The following WDFY2 variants were observed in gnomAD, a reference collection of about 807,000 sequenced individuals.
WDFY2 encodes WD repeat and FYVE domain-containing protein 2.
A neutral mutation model predicts 56.4 loss-of-function variants in WDFY2; 36 were observed. That is an observed-to-expected ratio of 0.64 (90% CI 0.49 to 0.84). The LOEUF is 0.84. Among genes scored for constraint, WDFY2 ranks in the 40% least tolerant of loss-of-function variants. WDFY2 has a pLI of 0.00. For missense variants in WDFY2, 444 were observed against 512.2 expected (o/e 0.87, Z 1.29); for synonymous variants, 176 against 183.7 (o/e 0.96, Z 0.34).
chr13:51,658,283 C>T (rs1215104427), intron 1 of WDFY2, among the ~76,000 whole-genome samples: 5 of 152,106 alleles, frequency 3.3e-5, no homozygotes, highest in Non-Finnish European at 7.3e-5. Context: ...TGCCTGCGTC[C>T]GATAAGGATA....
At chr13:51,597,440 T>C (rs1011455436) in intron 1 of WDFY2, among the ~76,000 whole-genome samples, 1 of 152,220 alleles carries the variant, frequency 6.6e-6, no homozygotes, top group Admixed American at 6.5e-5. Flanking sequence ...ATGAACTGTT[T>C]TCACATTGCA....
At chr13:51,647,765 TA>T (rs528621325) in intron 1 of WDFY2, among the ~76,000 whole-genome samples, 2,198 of 102,692 alleles carry the variant, frequency 0.021, 14 homozygotes, top group African/African-American at 0.027. Context: ...GTCTCTCTCT[TA>T]AAAAAAAAAA....
chr13:51,698,620 A>G (rs1379785904), intron 3 of WDFY2, among the ~76,000 whole-genome samples: 1 of 152,178 alleles, frequency 6.6e-6, no homozygotes, highest in Non-Finnish European at 1.5e-5. Flanking sequence ...ACCAAGAGCT[A>G]TTTTCATTAT....
In WDFY2 at chr13:51,756,435, G is replaced by C; in HGVS notation, c.1037G>C (p.Ser346Thr). ...GFEFEVRVCD[S>T]CHEAITDEER... ...GAGTTTGAAGTGAGGGTCTGTGACA[G>C]CTGCCACGAGGCCATCACAGATGAA... Residue 346 changes from serine (S) to threonine (T), a missense_variant, in exon 10 of 12, where the codon AGC becomes ACC. Transcript: ENST00000298125. 1 of 1,614,090 alleles carries C rather than the reference G, an allele frequency of 6.2e-7. No individual in the cohort carries two copies.
intron 1 of WDFY2, among the ~76,000 whole-genome samples, chr13:51,629,725 A>G (rs1042187494): frequency 3.9e-5 from 6 of 151,926 alleles, no homozygotes; most frequent in African/African-American, 1.2e-4. Flanking sequence ...AGGAGAAAGT[A>G]GCTATGTCAC....
In WDFY2 at chr13:51,660,452, G is replaced by A. The variant is rs1955590223; in HGVS notation, c.138-144G>A. On this transcript the variant is annotated intron_variant, in intron 1 of 11. Coordinates refer to ENST00000298125, the MANE Select transcript of WDFY2 (RefSeq NM_052950.4). ...TGACCTCAAGTGATACGCCTACCTC[G>A]GCCTCTCAAAGTGCTGGGACAGGCT... 11 of 539,524 alleles carry A rather than the reference G, an allele frequency of 2.0e-5. No homozygotes were observed. The South Asian group carries it at 2.7e-4, about 13-fold the overall frequency. The allele number at this position is 539,524 out of a possible 1,614,324, so 33.4% of individuals were successfully genotyped here. A position where few individuals can be genotyped will look rare whatever the true frequency, so the allele number is the denominator to read the frequency against.
chr13:51,596,441 T>C (rs764941990), intron 1 of WDFY2, among the ~76,000 whole-genome samples: 3 of 152,184 alleles, frequency 2.0e-5, no homozygotes, highest in Non-Finnish European at 2.9e-5. Context: ...TTGAGTTCGA[T>C]GTGGATAGGA....
At position 51,762,568 on chromosome 13, in the gene WDFY2, T is replaced by C. The variant is rs780130228; in HGVS notation, c.*2799T>C. 13 of 152,242 alleles carry C rather than the reference T, an allele frequency of 8.5e-5. No individual in the cohort carries two copies. Among genetic ancestry groups the C allele is most frequent in the Non-Finnish European group, 1.5e-5 (1 of 68,046 alleles). The allele number at this position is 152,242 out of a possible 1,614,324, so 9.4% of individuals were successfully genotyped here. On this transcript the variant is annotated 3_prime_UTR_variant, in exon 12 of 12. Coordinates refer to ENST00000298125, the MANE Select transcript of WDFY2 (RefSeq NM_052950.4). Reference sequence around the variant, plus strand: ...CGTTTTGCATTAAGTGTCTCCCCCATTTTTGTAATTTGTAGAGAAATATGT... The same window carrying C: ...CGTTTTGCATTAAGTGTCTCCCCCACTTTTGTAATTTGTAGAGAAATATGT...
chr13:51,745,973 C>CTTTTTTTTTTTTTTTTTTTTTTT (rs59572351), intron 7 of WDFY2, among the ~76,000 whole-genome samples: 2 of 100,760 alleles, frequency 2.0e-5, no homozygotes, highest in Non-Finnish European at 3.8e-5. Flanking sequence ...TTTTCTTTTT[C>CTTTTTTTTTTTTTTTTTTTTTTT]TTTTTTTTTT....
rs1953703683 is a variant in WDFY2 at position 51,764,992 on chromosome 13, C to G, written c.*5223C>G. 6.6e-6 allele frequency: 1 copy of G among 152,226 alleles called. No homozygotes were observed. The highest frequency in any genetic ancestry group is 1.5e-5 in the Non-Finnish European group (1 of 68,082). The allele number at this position is 152,226 out of a possible 1,614,324, so 9.4% of individuals were successfully genotyped here. A position where few individuals can be genotyped will look rare whatever the true frequency, so the allele number is the denominator to read the frequency against. On this transcript the variant is annotated 3_prime_UTR_variant, in exon 12 of 12. Coordinates refer to ENST00000298125, the MANE Select transcript of WDFY2 (RefSeq NM_052950.4). ...GGGTGCAGACACAGGCAGCTGCTGC[C>G]CTCCACTTCCTGCTCTTGCAAGTCA...
At chr13:51,666,724 A>T (rs372994721) in intron 2 of WDFY2, among the ~76,000 whole-genome samples, 49 of 148,720 alleles carry the variant, frequency 3.3e-4, no homozygotes, top group Middle Eastern at 3.5e-3. Flanking sequence ...ACACACACAC[A>T]CTCTCTCTCT....
rs1955585496 is a variant in WDFY2 at position 51,660,250 on chromosome 13, G to A, written c.138-346G>A. 2.0e-5 allele frequency among the ~76,000 whole-genome samples: 3 copies of A among 151,896 alleles called. No homozygotes were observed. In the South Asian group the frequency reaches 6.2e-4, roughly 32 times the overall value. ...TTCTCTCTGTTACCCAGGCTGGAGTGCAGTGGCATGATCTTGACTCACTGC... is the reference window on the plus strand; with the variant it reads ...TTCTCTCTGTTACCCAGGCTGGAGTACAGTGGCATGATCTTGACTCACTGC... On this transcript the variant is annotated intron_variant, in intron 1 of 11. Transcript: ENST00000298125.
At chr13:51,662,296 G>A (rs1332778154) in intron 2 of WDFY2, among the ~76,000 whole-genome samples, 3 of 152,098 alleles carry the variant, frequency 2.0e-5, no homozygotes, top group Non-Finnish European at 4.4e-5. Context: ...GATATAACCA[G>A]TATTTTTTCT....
intron 1 of WDFY2, among the ~76,000 whole-genome samples, chr13:51,623,868 C>G (rs1954789962): frequency 6.6e-6 from 1 of 151,144 alleles, no homozygotes; most frequent in East Asian, 1.9e-4. Context: ...GGAATAGGCA[C>G]TTTTTTTAAC....
intron 1 of WDFY2, among the ~76,000 whole-genome samples, chr13:51,650,991 A>AC (rs1359163047): frequency 6.6e-6 from 1 of 152,210 alleles, no homozygotes; most frequent in Non-Finnish European, 1.5e-5. Flanking sequence ...AAGGAATGGC[A>AC]CCAGCTCCTC....
At chr13:51,759,184 A>G (rs1953498699) in intron 11 of WDFY2, among the ~76,000 whole-genome samples, 1 of 152,208 alleles carries the variant, frequency 6.6e-6, no homozygotes, top group Admixed American at 6.5e-5. Context: ...CTGTCTCAAA[A>G]TAATTAATTA....
chr13:51,637,868 T>G (rs1955082182), intron 1 of WDFY2, among the ~76,000 whole-genome samples: 1 of 152,246 alleles, frequency 6.6e-6, no homozygotes, highest in Non-Finnish European at 1.5e-5. Context: ...AGGAATGCTT[T>G]TGTTCTCAAG....
rs554861779 is a variant in WDFY2 at position 51,695,080 on chromosome 13, C to T, written c.280-8516C>T. 7.6e-4 allele frequency among the ~76,000 whole-genome samples: 115 copies of T among 152,280 alleles called. 5 individuals are homozygous for T. The South Asian group carries it at 0.023, about 31-fold the overall frequency. ...ATATTGGTTATTCTAGTTATACATT[C>T]GTCTAAATTTTTTTCAAAGTTTTCA... is the stretch of plus-strand genomic sequence containing the variant. On this transcript the variant is annotated intron_variant, in intron 3 of 11. Coordinates refer to ENST00000298125, the MANE Select transcript of WDFY2 (RefSeq NM_052950.4).
chr13:51,743,216 G>A lies in WDFY2; in HGVS notation c.725+4041G>A, dbSNP rs116236554. Among the ~76,000 whole-genome samples, 608 of 152,300 alleles carry A rather than the reference G, an allele frequency of 4.0e-3. 6 individuals are homozygous for A. The highest frequency in any genetic ancestry group is 0.014 in the African/African-American group (589 of 41,568). ...AAACACATAATAGATCAAAATATCA[G>A]CTATGAGAGTTTTCATAGAAGGTAG... On this transcript the variant is annotated intron_variant, in intron 7 of 11. Coordinates refer to ENST00000298125, the MANE Select transcript of WDFY2 (RefSeq NM_052950.4).
Sources: gnomAD v4.1 joint callset for allele counts (sites outside exome capture counted in the v4.1 genomes callset) on GRCh38, gnomAD v4.1.1 for gene constraint, MANE v1.5 for transcripts, NCBI Gene and HGNC (gene_info 2026-07-23, HGNC 2026-07-21) for gene names.